MOB1B: variants seen among roughly 807,000 people sequenced by gnomAD.
MOB1B encodes the protein MOB1 Mps One Binder homolog B.
Under a neutral mutation model 24.4 loss-of-function variants are expected in MOB1B, and 19 were observed. The ratio of observed to expected loss-of-function variants is 0.78; its 90% CI spans 0.54 to 1.14. The LOEUF (loss-of-function observed/expected upper bound fraction) is 1.14, where lower values mean the gene tolerates loss of function less well. MOB1B is among the 50% of genes most tolerant of loss of function. MOB1B has a pLI of 0.00. For synonymous variants in MOB1B, 76 were observed against 82.1 expected (o/e 0.93, Z 0.40); for missense variants, 243 against 259.6 (o/e 0.94, Z 0.44).
intron 2 of MOB1B, among the ~76,000 whole-genome samples, chr4:70,968,588 G>T (rs183042936): frequency 2.7e-4 from 41 of 152,268 alleles, no homozygotes; most frequent in Admixed American, 2.4e-3. Context: ...TGAGATTACA[G>T]GCGTGAGCCA....
At chr4:70,901,905 C>T (rs544358007), upstream of MOB1B, among the ~76,000 whole-genome samples, 1 of 152,260 alleles carries the variant, frequency 6.6e-6, no homozygotes, top group South Asian at 2.1e-4. Flanking sequence ...CCGATGACCA[C>T]CCTATCATGC....
chr4:70,902,543 T>A lies in MOB1B; in HGVS notation c.7T>A (p.Phe3Ile), dbSNP rs1258096363. The change falls in exon 1 of 6, where the codon TTC (phenylalanine) becomes ATC (isoleucine). Residue 3 changes from phenylalanine (F) to isoleucine (I), a missense_variant. Phe to Ile is a conservative substitution (Grantham distance 21, BLOSUM62 0). Coordinates refer to ENST00000309395, the MANE Select transcript of MOB1B (RefSeq NM_173468.4). MS[F>I]LFGSRSSKTF... ...AGCCTGCCCCGCGGCCAACATGAGC[T>A]TCTTGTTGTGAGTAGCCAGGCCCCG... 1 of 1,564,798 alleles carries A rather than the reference T, an allele frequency of 6.4e-7. No individual in the cohort carries two copies.
intron 1 of MOB1B, among the ~76,000 whole-genome samples, chr4:70,941,626 CT>C (rs1463573470): frequency 3.3e-5 from 5 of 152,168 alleles, no homozygotes; most frequent in African/African-American, 1.2e-4. Flanking sequence ...CAGGTGTGAG[CT>C]ACCGTGCCCA....
At chr4:70,968,301 A>G (rs2148898867) in intron 2 of MOB1B, among the ~76,000 whole-genome samples, 1 of 152,254 alleles carries the variant, frequency 6.6e-6, no homozygotes, top group Non-Finnish European at 1.5e-5. Flanking sequence ...GTCAAATTTT[A>G]TTTGATTTCA....
At chr4:70,940,741 A>G (rs934117138) in intron 1 of MOB1B, among the ~76,000 whole-genome samples, 2 of 151,258 alleles carry the variant, frequency 1.3e-5, no homozygotes, top group African/African-American at 2.4e-5. Flanking sequence ...CAATGGCGCA[A>G]TCTCAGCTCA....
intron 1 of MOB1B, among the ~76,000 whole-genome samples, chr4:70,933,396 A>G (rs537770108): frequency 1.8e-4 from 27 of 152,250 alleles, no homozygotes; most frequent in African/African-American, 6.5e-4. Flanking sequence ...TACATAATCC[A>G]TTTTATTACC....
intron 1 of MOB1B, among the ~76,000 whole-genome samples, chr4:70,945,760 C>G (rs1737548073): frequency 6.6e-6 from 1 of 152,166 alleles, no homozygotes; most frequent in Non-Finnish European, 1.5e-5. Context: ...AGTATCCTGT[C>G]TGAACACAGA....
At chr4:70,952,858 A>G (rs1737867604) in intron 1 of MOB1B, among the ~76,000 whole-genome samples, 2 of 150,946 alleles carry the variant, frequency 1.3e-5, no homozygotes, top group East Asian at 3.9e-4. Flanking sequence ...GCTTGTACTC[A>G]CTGATGAGGA....
intron 1 of MOB1B, among the ~76,000 whole-genome samples, chr4:70,930,175 CTG>C (rs1293359388): frequency 2.0e-5 from 3 of 152,058 alleles, no homozygotes; most frequent in African/African-American, 4.8e-5. Context: ...ATTTCACAAA[CTG>C]AGATATTTAA....
At chr4:70,969,552 C>T (rs1398809226) in intron 2 of MOB1B, among the ~76,000 whole-genome samples, 3 of 152,204 alleles carry the variant, frequency 2.0e-5, no homozygotes, top group Non-Finnish European at 2.9e-5. Context: ...TGATTACCAA[C>T]ATCTCTTCAT....
At chr4:70,941,449 C>T (rs1189441611) in intron 1 of MOB1B, among the ~76,000 whole-genome samples, 1 of 152,144 alleles carries the variant, frequency 6.6e-6, no homozygotes, top group Non-Finnish European at 1.5e-5. Context: ...TCACGCCATT[C>T]TCCTGCCTCA....
At chr4:70,949,322 A>C (rs1040530182) in intron 1 of MOB1B, among the ~76,000 whole-genome samples, 3 of 152,244 alleles carry the variant, frequency 2.0e-5, no homozygotes, top group African/African-American at 2.4e-5. Context: ...AAATGTAAGT[A>C]GATATGTCTG....
At chr4:70,937,045 T>C (rs541409204) in intron 1 of MOB1B, among the ~76,000 whole-genome samples, 1 of 151,924 alleles carries the variant, frequency 6.6e-6, no homozygotes, top group Admixed American at 6.6e-5. Flanking sequence ...GCCTCCCGAG[T>C]AGCTGGGGAT....
Position 70,982,085 on chromosome 4 carries a change from C to G in MOB1B, c.*28C>G. On this transcript the variant is annotated 3_prime_UTR_variant, in exon 6 of 6. Coordinates refer to ENST00000309395, the MANE Select transcript of MOB1B (RefSeq NM_173468.4). ...GGATGCAGAGCTGTGCAAATTGTTC[C>G]TCAAATGAAGCAGTGTGGAGTGTAT... The G allele has an allele frequency of 6.6e-7, 1 of 1,518,638 alleles. No homozygotes were observed. The highest frequency in any genetic ancestry group is 9.1e-7 in the Non-Finnish European group (1 of 1,095,192). 94.1% of individuals were successfully genotyped at this position (1,518,638 alleles called of 1,614,324 possible). A position where few individuals can be genotyped will look rare whatever the true frequency, so the allele number is the denominator to read the frequency against.
intron 1 of MOB1B, among the ~76,000 whole-genome samples, chr4:70,933,891 C>G (rs1204292946): frequency 1.3e-5 from 2 of 151,916 alleles, no homozygotes; most frequent in African/African-American, 2.4e-5. Context: ...TTTCACCCCT[C>G]TCTTACCACA....
At chr4:70,908,521 TC>T (rs1735846469) in intron 1 of MOB1B, among the ~76,000 whole-genome samples, 1 of 151,586 alleles carries the variant, frequency 6.6e-6, no homozygotes, top group Non-Finnish European at 1.5e-5. Flanking sequence ...ATGCCTGTAA[TC>T]CCAGTAGTTT....
chr4:70,952,935 CTTTTTTTTTTTTT>C (rs71211985), intron 1 of MOB1B, among the ~76,000 whole-genome samples: 1 of 72,288 alleles, frequency 1.4e-5, no homozygotes, highest in Non-Finnish European at 2.6e-5. Flanking sequence ...GTCATTTGGT[CTTTTTTTTTTTTT>C]TTTTTTTTTT....
At chr4:70,975,455 G>T (rs559904109) in intron 4 of MOB1B, 169 bp downstream of exon 4, 1 of 1,332,898 alleles carries the variant, frequency 7.5e-7, no homozygotes, top group East Asian at 2.9e-5. Context: ...TGTTAACCCA[G>T]TGGTAAAATA....
At chr4:70,906,285 G>A (rs1458219125) in intron 1 of MOB1B, among the ~76,000 whole-genome samples, 1 of 152,084 alleles carries the variant, frequency 6.6e-6, no homozygotes, top group Middle Eastern at 3.4e-3. Flanking sequence ...GACTGAGTAG[G>A]AGAATCACTT....
Sources: gnomAD v4.1 joint callset for allele counts (sites outside exome capture counted in the v4.1 genomes callset) on GRCh38, gnomAD v4.1.1 for gene constraint, MANE v1.5 for transcripts, NCBI Gene and HGNC (gene_info 2026-07-23, HGNC 2026-07-21) for gene names.